Variants in B4GALNT2 observed in about 807,000 individuals in gnomAD.
The protein encoded by B4GALNT2 is N-acetylneuraminylgalactosylglucosyl-glucoside beta-1,4-N- acetylgalactosaminyltransferase 2.
B4GALNT2 carries 42 observed loss-of-function variants against 51.1 expected under a neutral mutation model. The observed-to-expected ratio is 0.82, with a 90% CI of 0.64 to 1.06. B4GALNT2 has a LOEUF of 1.06. Ranked by LOEUF, B4GALNT2 falls within the 50% of genes least tolerant of loss-of-function variation. B4GALNT2 has a pLI of 0.00. For missense variants in B4GALNT2, 602 were observed against 633.6 expected (o/e 0.95, Z 0.54); for synonymous variants, 253 against 251.7 (o/e 1.01, Z -0.05).
Position 49,141,338 on chromosome 17 carries a change from G to T in B4GALNT2, c.106G>T (p.Val36Leu). The T allele has an allele frequency of 6.2e-7, 1 of 1,614,176 alleles. No homozygotes were observed. The highest frequency in any genetic ancestry group is 8.5e-7 in the Non-Finnish European group (1 of 1,180,026). ...FMFGSMFLQAVFSSPKPELPS... is the reference protein window; with the variant it reads ...FMFGSMFLQALFSSPKPELPS... ...GTTCGGAAGCATGTTCCTTCAAGCA[G>T]TGTTCAGCAGCCCCAAGCCAGAACT... Residue 36 changes from valine (V) to leucine (L), a missense_variant, in exon 2 of 11, where the codon GTG (valine) becomes TTG (leucine). Physicochemically the swap from Val to Leu is conservative, Grantham distance 32. Coordinates refer to ENST00000393354, the MANE Select transcript of B4GALNT2 (RefSeq NM_001159387.2).
chr17:49,163,997 T>C, intron 7 of B4GALNT2, 91 bp from the exon 8 acceptor site: 1 of 1,287,676 alleles, frequency 7.8e-7, no homozygotes, highest in Non-Finnish European at 1.1e-6. Flanking sequence ...ACTGACAGGT[T>C]ATGGCAGAAA....
At chr17:49,128,175 A>G (rs1426140667), upstream of B4GALNT2, among the ~76,000 whole-genome samples, 1 of 152,148 alleles carries the variant, frequency 6.6e-6, no homozygotes, top group Non-Finnish European at 1.5e-5. Flanking sequence ...GATCCTAGGT[A>G]TGTTTGATTT....
intron 4 of B4GALNT2, among the ~76,000 whole-genome samples, chr17:49,154,591 C>T (rs545408321): frequency 4.6e-5 from 7 of 151,846 alleles, no homozygotes; most frequent in Non-Finnish European, 1.0e-4. Flanking sequence ...AGTAAGGTCT[C>T]GGTGTGGTGA....
Position 49,169,636 on chromosome 17 carries a change from A to G in B4GALNT2, c.1429A>G (p.Thr477Ala). ...VDSELAALEK[T>A]YNTYRSNTLT... ...CTCAGAACTGGCTGCCCTAGAGAAG[A>G]CCTACAATACATACCGGTCCAACAC... is the stretch of plus-strand genomic sequence containing the variant. The change falls in exon 11 of 11, where the codon ACC becomes GCC. Residue 477 changes from threonine to alanine, a missense_variant. Transcript: ENST00000393354. The G allele has an allele frequency of 6.2e-7, 1 of 1,613,178 alleles. No individual in the cohort carries two copies. Among genetic ancestry groups the G allele is most frequent in the Non-Finnish European group, 8.5e-7 (1 of 1,179,732 alleles).
At chr17:49,149,284 T>G (rs2042727166) in intron 3 of B4GALNT2, among the ~76,000 whole-genome samples, 2 of 152,130 alleles carry the variant, frequency 1.3e-5, no homozygotes, top group South Asian at 4.1e-4. Context: ...TTGAAAAACC[T>G]TCATGTTTAC....
rs531921837 is a variant in B4GALNT2, at chr17:49,174,993, T to C, written c.*5265T>C. ...TTGTAACAAATCTCTTTCCCATAAA[T>C]GTATAGGTACAGAAGTTATAATTGG... On this transcript the variant is annotated 3_prime_UTR_variant, in exon 11 of 11. Coordinates refer to ENST00000393354, the MANE Select transcript of B4GALNT2 (RefSeq NM_001159387.2). The C allele has an allele frequency of 6.6e-6, 1 of 152,310 alleles. No individual in the cohort carries two copies. The highest frequency in any genetic ancestry group is 2.4e-5 in the African/African-American group (1 of 41,566). 9.4% of individuals were successfully genotyped at this position (152,310 alleles called of 1,614,324 possible).
chr17:49,160,601 C>T lies in B4GALNT2; in HGVS notation c.726C>T (p.Ile242=), dbSNP rs2042854439. ...RSSVAKFPVT[I]RHPVIPKLYD... is the part of the protein sequence containing the mutation. Reference sequence around the variant, plus strand: ...CAGTGGCCAAGTTTCCAGTGACCATCCGCCATCCTGTCATACCCAAGCTAT... The same window carrying T: ...CAGTGGCCAAGTTTCCAGTGACCATTCGCCATCCTGTCATACCCAAGCTAT... The change falls in exon 7 of 11, where the codon ATC becomes ATT. Residue 242 remains isoleucine, a synonymous_variant. Transcript: ENST00000393354. 6.2e-7 allele frequency: 1 copy of T among 1,614,172 alleles called. No homozygotes were observed. Among genetic ancestry groups the T allele is most frequent in the African/African-American group, 1.3e-5 (1 of 75,042 alleles).
the B4GALNT2 span, among the ~76,000 whole-genome samples, chr17:49,126,073 G>T: frequency 6.6e-6 from 1 of 152,098 alleles, no homozygotes; most frequent in African/African-American, 2.4e-5. Flanking sequence ...GAAAGGTGGG[G>T]AAAAGATTGA....
chr17:49,156,720 C>A, intron 5 of B4GALNT2, 117 bp downstream of exon 5: 1 of 1,188,456 alleles, frequency 8.4e-7, no homozygotes, highest in Non-Finnish European at 1.2e-6. Flanking sequence ...GACATGAGCC[C>A]AAGGAGGGAG....
upstream of B4GALNT2, among the ~76,000 whole-genome samples, chr17:49,128,731 C>G (rs1262472624): frequency 6.6e-6 from 1 of 152,116 alleles, no homozygotes; most frequent in East Asian, 1.9e-4. Context: ...GTACCCGGGC[C>G]AGGCCATGTT....
At chr17:49,151,858 T>G (rs2042759253) in intron 3 of B4GALNT2, among the ~76,000 whole-genome samples, 1 of 152,180 alleles carries the variant, frequency 6.6e-6, no homozygotes, top group Non-Finnish European at 1.5e-5. Context: ...TCTTGTGATT[T>G]AGTTTATTTA....
At chr17:49,163,637 T>A (rs1026987510) in intron 7 of B4GALNT2, among the ~76,000 whole-genome samples, 5 of 150,908 alleles carry the variant, frequency 3.3e-5, no homozygotes, top group African/African-American at 1.2e-4. Context: ...ATGCCTATAA[T>A]CCCAGCTACT....
At position 49,141,994 on chromosome 17, in the gene B4GALNT2, A is replaced by G. The variant is rs368001777; in HGVS notation, c.216-41A>G. 11 of 1,611,844 alleles carry G rather than the reference A, an allele frequency of 6.8e-6. No homozygotes were observed. The Admixed American group carries it at 8.3e-5, about 12-fold the overall frequency. On this transcript the variant is annotated intron_variant, in intron 2 of 10. Transcript: ENST00000393354. ...CCGGTTTCCTCTCACCCACCAGCCT[A>G]CCCACCCAATCCATGTTTACAGTCC...
chr17:49,124,729 C>T, the B4GALNT2 span, among the ~76,000 whole-genome samples: 6 of 151,892 alleles, frequency 4.0e-5, no homozygotes, highest in African/African-American at 9.7e-5. Context: ...ACAAATTTAC[C>T]GAATTTTAAT....
chr17:49,132,299 G>A (rs551728055), upstream of B4GALNT2, among the ~76,000 whole-genome samples: 40 of 152,290 alleles, frequency 2.6e-4, no homozygotes, highest in African/African-American at 9.1e-4. Flanking sequence ...TTATGTGGCC[G>A]CACGGGTCCC....
At chr17:49,131,376 T>C (rs187978048), upstream of B4GALNT2, among the ~76,000 whole-genome samples, 30 of 145,750 alleles carry the variant, frequency 2.1e-4, no homozygotes, top group African/African-American at 6.8e-4. Context: ...AGCTCAGACC[T>C]GAACTTGGGA....
At chr17:49,127,952 C>A (rs2042519010), upstream of B4GALNT2, among the ~76,000 whole-genome samples, 1 of 152,072 alleles carries the variant, frequency 6.6e-6, no homozygotes, top group Non-Finnish European at 1.5e-5. Context: ...TGGGAGAAAA[C>A]CTTTCCTAGG....
chr17:49,157,528 G>T (rs2042822671), intron 5 of B4GALNT2, among the ~76,000 whole-genome samples: 1 of 152,110 alleles, frequency 6.6e-6, no homozygotes, highest in Non-Finnish European at 1.5e-5. Flanking sequence ...CACCATGTTG[G>T]CCAGGCTGGT....
the B4GALNT2 span, among the ~76,000 whole-genome samples, chr17:49,125,192 T>A: frequency 6.6e-6 from 1 of 152,170 alleles, no homozygotes. Flanking sequence ...GGAGTTTCAC[T>A]CTTGCCACCT....
Sources: allele counts gnomAD v4.1 joint callset (sites outside exome capture counted in the v4.1 genomes callset), GRCh38; gene constraint gnomAD v4.1.1; transcripts MANE v1.5; gene names NCBI Gene and HGNC (gene_info 2026-07-23, HGNC 2026-07-21).